CD80: variants seen among roughly 807,000 people sequenced by gnomAD.
The protein encoded by CD80 is CD80 molecule.
CD80 carries 13 observed loss-of-function variants against 27.1 expected under a neutral mutation model. The observed-to-expected ratio is 0.48, with a 90% confidence interval of 0.31 to 0.76. The LOEUF (loss-of-function observed/expected upper bound fraction) is 0.76, where lower values mean the gene tolerates loss of function less well. Among genes scored for constraint, CD80 ranks in the 30% least tolerant of loss-of-function variants. The pLI is 0.04. For missense variants in CD80, 277 were observed against 347.9 expected (o/e 0.80, Z 1.62); for synonymous variants, 125 against 125.5 (o/e 1.00, Z 0.03).
intron 6 of CD80, among the ~76,000 whole-genome samples, chr3:119,526,152 CT>C (rs1577105633): frequency 1.3e-5 from 2 of 152,092 alleles, no homozygotes; most frequent in African/African-American, 4.8e-5. Context: ...ATGTGTGGGG[CT>C]CTCAGGCATG....
At chr3:119,557,512 A>G (rs1193469359) in intron 2 of CD80, 117 bp downstream of exon 2, 1 of 590,384 alleles carries the variant, frequency 1.7e-6, no homozygotes, top group East Asian at 3.1e-5. Flanking sequence ...TTCTGAAAAC[A>G]CCCTGAAGGT....
rs569088706 is a variant in CD80 at position 119,528,116 on chromosome 3, C to T, written c.797-275G>A. On this transcript the variant is annotated intron_variant, in intron 5 of 6. Coordinates refer to ENST00000264246, the MANE Select transcript of CD80 (RefSeq NM_005191.4). ...AAGCTGCTAAACATCCTACAGTGCA[C>T]AGAACAGCACTCCAAAACAAAGAAT... Among the ~76,000 whole-genome samples, 5 of 152,200 alleles carry T rather than the reference C, an allele frequency of 3.3e-5. No homozygotes were observed. The East Asian group carries it at 9.7e-4, about 29-fold the overall frequency.
chr3:119,537,205 T>C lies in CD80; in HGVS notation c.632A>G (p.Asn211Ser), dbSNP rs760598289. Reference protein sequence around the residue: ...SSKLDFNMTTNHSFMCLIKYG... With the variant: ...SSKLDFNMTTSHSFMCLIKYG... ...CTTGATGAGACACATGAAGCTGTGG[T>C]TGGTTGTCATATTGAAATCCAGTTT... Residue 211 changes from asparagine to serine, a missense_variant, in exon 4 of 7, where the codon AAC becomes AGC. By Grantham distance (46) the Asn-to-Ser change is conservative. Transcript: ENST00000264246. The C allele has an allele frequency of 1.4e-5, 22 of 1,613,990 alleles. No homozygotes were observed. Among genetic ancestry groups the C allele is most frequent in the Non-Finnish European group, 1.7e-5 (20 of 1,179,938 alleles).
Position 119,544,815 on chromosome 3 carries a change from AC to A in CD80, c.152del (p.Gly51ValfsTer24). 6.2e-7 allele frequency: 1 copy of A among 1,614,186 alleles called. No homozygotes were observed. Among genetic ancestry groups the A allele is most frequent in the Non-Finnish European group, 8.5e-7 (1 of 1,180,030 alleles). ...CCAGCTCTTCAACAGAAACATTGTG[AC>A]CACAGGACAGCGTTGCCACTTCTTT... ...EVKEVATLSC[G>X]HNVSVEELAQ... On this transcript the variant is annotated frameshift_variant, in exon 3 of 7. Coordinates refer to ENST00000264246, the MANE Select transcript of CD80 (RefSeq NM_005191.4). LOFTEE classifies it high-confidence loss of function.
At chr3:119,547,531 TCA>T (rs1220238832) in intron 2 of CD80, among the ~76,000 whole-genome samples, 1 of 152,276 alleles carries the variant, frequency 6.6e-6, no homozygotes, top group African/African-American at 2.4e-5. Context: ...ATATCCTCTC[TCA>T]GACAGTTCTG....
chr3:119,552,351 G>A (rs1406971701), intron 2 of CD80, among the ~76,000 whole-genome samples: 1 of 151,814 alleles, frequency 6.6e-6, no homozygotes, highest in Non-Finnish European at 1.5e-5. Flanking sequence ...GCCAGGCGTG[G>A]TGGCGGGCTG....
chr3:119,549,440 T>A (rs1281071246), intron 2 of CD80, among the ~76,000 whole-genome samples: 1 of 152,200 alleles, frequency 6.6e-6, no homozygotes, highest in African/African-American at 2.4e-5. Flanking sequence ...AAAAGCAGCA[T>A]CCCTCTAAGG....
intron 5 of CD80, 37 bp from the exon 6 acceptor site, chr3:119,527,878 A>T: frequency 6.4e-7 from 1 of 1,566,992 alleles, no homozygotes; most frequent in South Asian, 1.1e-5. Context: ...ATGATAAGTA[A>T]GTTTCCCTTG....
At chr3:119,549,874 C>T (rs1168778736) in intron 2 of CD80, among the ~76,000 whole-genome samples, 1 of 152,158 alleles carries the variant, frequency 6.6e-6, no homozygotes, top group Non-Finnish European at 1.5e-5. Context: ...AATGACAACC[C>T]AGACACTCCT....
intron 2 of CD80, among the ~76,000 whole-genome samples, chr3:119,549,662 G>C (rs2082220941): frequency 6.6e-6 from 1 of 152,208 alleles, no homozygotes. Flanking sequence ...CCCCACCACA[G>C]CACTGAACAA....
chr3:119,543,331 G>A (rs527420550), intron 3 of CD80, among the ~76,000 whole-genome samples: 1 of 152,048 alleles, frequency 6.6e-6, no homozygotes, highest in Admixed American at 6.5e-5. Flanking sequence ...TACATAAACA[G>A]GGCTTTGATT....
intron 3 of CD80, among the ~76,000 whole-genome samples, chr3:119,541,463 A>G (rs2082168096): frequency 1.3e-5 from 2 of 152,340 alleles, no homozygotes; most frequent in South Asian, 4.1e-4. Context: ...AGACTTTCCC[A>G]GTTTTAGCAC....
At chr3:119,539,571 G>C (rs2082156566) in intron 3 of CD80, among the ~76,000 whole-genome samples, 2 of 152,106 alleles carry the variant, frequency 1.3e-5, no homozygotes, top group South Asian at 4.1e-4. Context: ...ATTCCTCCAA[G>C]ACCCTTGAGG....
At chr3:119,558,809 C>T (rs911227422) in intron 1 of CD80, among the ~76,000 whole-genome samples, 1 of 151,036 alleles carries the variant, frequency 6.6e-6, no homozygotes, top group Non-Finnish European at 1.5e-5. Context: ...TGTGAGGTGG[C>T]TAGGGATTAA....
At chr3:119,534,430 G>A (rs1411446969) in intron 4 of CD80, among the ~76,000 whole-genome samples, 1 of 151,550 alleles carries the variant, frequency 6.6e-6, no homozygotes, top group Middle Eastern at 3.2e-3. Flanking sequence ...ACATAGCCAT[G>A]TCATTCATTT....
intron 2 of CD80, among the ~76,000 whole-genome samples, chr3:119,556,277 T>TA (rs1355132172): frequency 6.6e-6 from 1 of 152,212 alleles, no homozygotes; most frequent in African/African-American, 2.4e-5. Context: ...ATTTTCCTTG[T>TA]ACAATTTCTA....
chr3:119,546,412 C>A, intron 2 of CD80, among the ~76,000 whole-genome samples: 1 of 152,152 alleles, frequency 6.6e-6, no homozygotes, highest in East Asian at 1.9e-4. Flanking sequence ...AACAACCCCA[C>A]AAGATATGTA....
chr3:119,537,501 T>A, intron 3 of CD80, 83 bp from the exon 4 acceptor site: 1 of 1,026,778 alleles, frequency 9.7e-7, no homozygotes. Flanking sequence ...ATTTTCTAGC[T>A]TTAATAAGAA....
chr3:119,552,755 G>T (rs2082240885), intron 2 of CD80, among the ~76,000 whole-genome samples: 1 of 152,102 alleles, frequency 6.6e-6, no homozygotes, highest in Non-Finnish European at 1.5e-5. Flanking sequence ...GGAGTACTAA[G>T]ACATACGCAA....
Sources: allele counts gnomAD v4.1 joint callset (sites outside exome capture counted in the v4.1 genomes callset), GRCh38; gene constraint gnomAD v4.1.1; transcripts MANE v1.5; gene names NCBI Gene and HGNC (gene_info 2026-07-23, HGNC 2026-07-21).